The following AUTS2 variants were observed in gnomAD, a reference collection of about 807,000 sequenced individuals.
AUTS2 encodes autism susceptibility gene 2 protein.
A neutral mutation model predicts 112.4 loss-of-function variants in AUTS2; 17 were observed. The observed-to-expected ratio is 0.15, with a 90% CI of 0.10 to 0.23. The LOEUF is 0.23. Among genes scored for constraint, AUTS2 ranks in the 10% least tolerant of loss-of-function variants. The probability of loss-of-function intolerance (pLI) is 1.00; values close to 1 mark genes in which losing one functional copy is unlikely to be tolerated. For missense variants in AUTS2, 1,510 were observed against 1,701.6 expected, an observed-to-expected ratio of 0.89 and a Z score of 1.98; for synonymous variants, 751 against 702.7, an observed-to-expected ratio of 1.07 and a Z score of -1.09.
intron 6 of AUTS2, among the ~76,000 whole-genome samples, chr7:70,720,379 AG>A (rs1458785173): frequency 6.6e-6 from 1 of 152,172 alleles, no homozygotes; most frequent in African/African-American, 2.4e-5. Context: ...TCCAAATCGC[AG>A]GCGTCAATCT....
At chr7:69,708,614 G>C (rs1030411234) in intron 1 of AUTS2, among the ~76,000 whole-genome samples, 2 of 152,208 alleles carry the variant, frequency 1.3e-5, no homozygotes, top group African/African-American at 4.8e-5. Flanking sequence ...ATAACACGTA[G>C]TCTTTATTAT....
At chr7:69,879,633 C>T (rs776550096) in intron 1 of AUTS2, among the ~76,000 whole-genome samples, 9 of 152,094 alleles carry the variant, frequency 5.9e-5, no homozygotes, top group Non-Finnish European at 8.8e-5. Flanking sequence ...ATTAAATTCT[C>T]ACAAAAATCC....
intron 4 of AUTS2, among the ~76,000 whole-genome samples, chr7:70,279,840 A>G (rs888697664): frequency 6.6e-6 from 1 of 152,172 alleles, no homozygotes; most frequent in South Asian, 2.1e-4. Flanking sequence ...GGCTATAGCT[A>G]TCTGATGCCC....
intron 1 of AUTS2, among the ~76,000 whole-genome samples, chr7:69,783,337 G>T (rs1309941562): frequency 6.6e-6 from 1 of 152,012 alleles, no homozygotes; most frequent in African/African-American, 2.4e-5. Flanking sequence ...TTTAGGAGGG[G>T]TTTCTACTGT....
chr7:70,223,223 A>C (rs560384943), intron 4 of AUTS2, among the ~76,000 whole-genome samples: 3 of 152,268 alleles, frequency 2.0e-5, no homozygotes, highest in African/African-American at 7.2e-5. Context: ...ATCCTTATTT[A>C]ACAATGAACT....
chr7:70,708,053 G>A (rs955640239), intron 6 of AUTS2, among the ~76,000 whole-genome samples: 1 of 152,134 alleles, frequency 6.6e-6, no homozygotes, highest in East Asian at 1.9e-4. Flanking sequence ...AAGTGTGCCC[G>A]TTAATAGACT....
At chr7:70,251,444 G>A (rs2129604069) in intron 4 of AUTS2, among the ~76,000 whole-genome samples, 1 of 152,236 alleles carries the variant, frequency 6.6e-6, no homozygotes, top group South Asian at 2.1e-4. Context: ...TTCCCCCGGG[G>A]TGACCACTTT....
chr7:70,280,903 G>T (rs79315027), intron 4 of AUTS2, among the ~76,000 whole-genome samples: 3,081 of 152,152 alleles, frequency 0.02, 123 homozygotes, highest in African/African-American at 0.07. Context: ...GTCTAACACT[G>T]ACAAAATTTG....
In AUTS2 at chr7:70,418,268, T is replaced by C. The variant is rs111259975; in HGVS notation, c.661-17484T>C. On this transcript the variant is annotated intron_variant, in intron 4 of 18. Coordinates refer to ENST00000342771, the MANE Select transcript of AUTS2 (RefSeq NM_015570.4). ...GCTGACTGTCATAGAACACCAAAGC[T>C]AGACAAGCCTAAATAATAACAGTGA... Among the ~76,000 whole-genome samples the C allele has an allele frequency of 3.8e-3, 583 of 152,236 alleles. 4 individuals carry two copies. Among genetic ancestry groups the C allele is most frequent in the African/African-American group, 0.013 (549 of 41,530 alleles).
chr7:70,165,269 T>C (rs1740640327), intron 4 of AUTS2, among the ~76,000 whole-genome samples: 1 of 152,224 alleles, frequency 6.6e-6, no homozygotes, highest in East Asian at 1.9e-4. Flanking sequence ...GAAGAAACGC[T>C]AGAAGAGATA....
At chr7:70,638,555 C>T (rs1358781261) in intron 5 of AUTS2, among the ~76,000 whole-genome samples, 4 of 151,890 alleles carry the variant, frequency 2.6e-5, no homozygotes, top group Non-Finnish European at 5.9e-5. Flanking sequence ...CGATCACTCA[C>T]TGGAACTTAT....
chr7:69,610,765 A>T (rs1247445935), intron 1 of AUTS2, among the ~76,000 whole-genome samples: 1 of 152,192 alleles, frequency 6.6e-6, no homozygotes, highest in African/African-American at 2.4e-5. Flanking sequence ...TATGATTTCC[A>T]TATCTGTTCC....
At chr7:69,809,387 C>G (rs933904629) in intron 1 of AUTS2, among the ~76,000 whole-genome samples, 2 of 152,148 alleles carry the variant, frequency 1.3e-5, no homozygotes, top group African/African-American at 2.4e-5. Flanking sequence ...CGATCATAGA[C>G]ATCATTTTCT....
intron 4 of AUTS2, among the ~76,000 whole-genome samples, chr7:70,255,235 G>A (rs947617154): frequency 1.3e-5 from 2 of 151,730 alleles, no homozygotes; most frequent in African/African-American, 4.8e-5. Context: ...CACCACGCCT[G>A]GCTAATTTTT....
chr7:70,257,197 G>C (rs2129605961), intron 4 of AUTS2, among the ~76,000 whole-genome samples: 1 of 152,154 alleles, frequency 6.6e-6, no homozygotes, highest in African/African-American at 2.4e-5. Flanking sequence ...CTGGAGATCA[G>C]TGGCATAATC....
intron 5 of AUTS2, among the ~76,000 whole-genome samples, chr7:70,609,203 AC>A: frequency 6.6e-6 from 1 of 152,244 alleles, no homozygotes; most frequent in Middle Eastern, 3.4e-3. Context: ...ACATCCTTTG[AC>A]CAACACTTCC....
chr7:69,673,493 A>G (rs1441011147), intron 1 of AUTS2, among the ~76,000 whole-genome samples: 1 of 152,172 alleles, frequency 6.6e-6, no homozygotes, highest in Non-Finnish European at 1.5e-5. Flanking sequence ...CCTGTTAAGG[A>G]ATAATCATGG....
intron 4 of AUTS2, among the ~76,000 whole-genome samples, chr7:70,261,486 A>G (rs1787167817): frequency 6.6e-6 from 1 of 152,180 alleles, no homozygotes; most frequent in Non-Finnish European, 1.5e-5. Context: ...TGTGTATTAT[A>G]CCTCAAGTAT....
chr7:69,798,037 A>G (rs1789924238), intron 1 of AUTS2, among the ~76,000 whole-genome samples: 1 of 151,824 alleles, frequency 6.6e-6, no homozygotes, highest in African/African-American at 2.4e-5. Context: ...TTTTTAATCC[A>G]TGAAATGTGG....
Sources: gnomAD v4.1 joint callset for allele counts (sites outside exome capture counted in the v4.1 genomes callset) on GRCh38, gnomAD v4.1.1 for gene constraint, MANE v1.5 for transcripts, NCBI Gene and HGNC (gene_info 2026-07-23, HGNC 2026-07-21) for gene names.